The following SLC9A9 variants were observed in gnomAD, a reference collection of about 807,000 sequenced individuals.
SLC9A9 encodes the protein solute carrier family 9 member A9, also known as sodium/hydrogen exchanger 9.
In SLC9A9, 62 loss-of-function variants were observed where a neutral mutation model predicts 77.8. The ratio of observed to expected loss-of-function variants is 0.80; its 90% CI spans 0.65 to 0.98. The LOEUF is 0.98. SLC9A9 is among the 50% of genes least tolerant of loss of function. SLC9A9 has a pLI of 0.00. For synonymous variants in SLC9A9, 320 were observed against 283.5 expected (o/e 1.13, Z -1.29); for missense variants, 775 against 774.9 (o/e 1.00, Z 0.00).
chr3:143,829,828 G>C (rs1273431097), intron 2 of SLC9A9, among the ~76,000 whole-genome samples: 1 of 152,176 alleles, frequency 6.6e-6, no homozygotes, highest in Admixed American at 6.5e-5. Context: ...GGTACAATGT[G>C]AAGGCCCCAT....
At chr3:143,796,028 C>T (rs1472706139) in intron 3 of SLC9A9, among the ~76,000 whole-genome samples, 1 of 152,116 alleles carries the variant, frequency 6.6e-6, no homozygotes, top group Non-Finnish European at 1.5e-5. Context: ...AAGAAAGCCC[C>T]AGGAATCTCC....
At position 143,652,199 on chromosome 3, in the gene SLC9A9, A is replaced by C. The variant is rs532077727; in HGVS notation, c.755+56T>G. The C allele has an allele frequency of 3.5e-5, 48 of 1,358,558 alleles. No individual in the cohort carries two copies. In the African/African-American group the frequency reaches 6.3e-4, roughly 18 times the overall value. The allele number at this position is 1,358,558 out of a possible 1,614,324, so 84.2% of individuals were successfully genotyped here. On this transcript the variant is annotated intron_variant, in intron 6 of 15. Transcript: ENST00000316549. ...CTCTGTGACATAAGAGAAAAGATAC[A>C]AGTGAAAGCATATTTCACATGATTA...
rs150040717 is a variant in SLC9A9 at position 143,265,968 on chromosome 3, G to A, written c.*734C>T. The A allele has an allele frequency of 6.8e-5, 46 of 677,068 alleles. No homozygotes were observed. The highest frequency in any genetic ancestry group is 3.2e-4 in the Middle Eastern group (1 of 3,146). The allele number at this position is 677,068 out of a possible 1,614,324, so 41.9% of individuals were successfully genotyped here. A position where few individuals can be genotyped will look rare whatever the true frequency, so the allele number is the denominator to read the frequency against. ...GGAAGGCTTGTTCTTCAGGCACAAC[G>A]TGGTATGGGGAGAAGAAACCTGGTT... On this transcript the variant is annotated 3_prime_UTR_variant, in exon 16 of 16. Coordinates refer to ENST00000316549, the MANE Select transcript of SLC9A9 (RefSeq NM_173653.4).
At chr3:143,472,520 C>T (rs2035395767) in intron 11 of SLC9A9, among the ~76,000 whole-genome samples, 1 of 152,160 alleles carries the variant, frequency 6.6e-6, no homozygotes, top group African/African-American at 2.4e-5. Flanking sequence ...GTCTTCAGAG[C>T]TCAAATGAGA....
At chr3:143,387,332 A>G (rs1052763454) in intron 12 of SLC9A9, among the ~76,000 whole-genome samples, 2 of 152,200 alleles carry the variant, frequency 1.3e-5, no homozygotes, top group African/African-American at 2.4e-5. Flanking sequence ...ATAGGTGCCC[A>G]TCGTGGATAA....
At chr3:143,436,172 G>A (rs2034618464) in intron 12 of SLC9A9, among the ~76,000 whole-genome samples, 1 of 152,084 alleles carries the variant, frequency 6.6e-6, no homozygotes, top group South Asian at 2.1e-4. Flanking sequence ...CTGGTACCGG[G>A]AGAAGTGGGC....
intron 4 of SLC9A9, among the ~76,000 whole-genome samples, chr3:143,727,106 G>A (rs1334950862): frequency 1.3e-5 from 2 of 152,026 alleles, no homozygotes; most frequent in African/African-American, 2.4e-5. Flanking sequence ...TAAGTAGCAC[G>A]ACAAAAAGAG....
chr3:143,447,760 A>T (rs571723791), intron 12 of SLC9A9, among the ~76,000 whole-genome samples: 2 of 152,228 alleles, frequency 1.3e-5, no homozygotes, highest in Non-Finnish European at 2.9e-5. Flanking sequence ...GATGGCAGAA[A>T]CATACTTTGT....
At chr3:143,671,305 T>C (rs988342806) in intron 5 of SLC9A9, among the ~76,000 whole-genome samples, 14 of 152,278 alleles carry the variant, frequency 9.2e-5, no homozygotes, top group African/African-American at 3.1e-4. Flanking sequence ...TTAGCAAAAG[T>C]CAGTTTTTTT....
chr3:143,745,654 C>G (rs1935183805), intron 4 of SLC9A9, among the ~76,000 whole-genome samples: 1 of 152,146 alleles, frequency 6.6e-6, no homozygotes, highest in Non-Finnish European at 1.5e-5. Flanking sequence ...CATCAAGGTG[C>G]CAACCTTGAG....
At position 143,617,918 on chromosome 3, in the gene SLC9A9, A is replaced by C. The variant is rs1576613409; in HGVS notation, c.755+34337T>G. Reference sequence around the variant, plus strand: ...TCTGGCCTGACAAGACTGGTCTTTTAGAGAACAAGACTGATAGCAACATAA... The same window carrying C: ...TCTGGCCTGACAAGACTGGTCTTTTCGAGAACAAGACTGATAGCAACATAA... On this transcript the variant is annotated intron_variant, in intron 6 of 15. Transcript: ENST00000316549. 2.6e-5 allele frequency among the ~76,000 whole-genome samples: 4 copies of C among 152,246 alleles called. No homozygotes were observed. In the East Asian group the frequency reaches 7.7e-4, roughly 29 times the overall value.
At chr3:143,789,747 G>A (rs530339662) in intron 4 of SLC9A9, among the ~76,000 whole-genome samples, 4 of 152,208 alleles carry the variant, frequency 2.6e-5, no homozygotes, top group South Asian at 4.2e-4. Flanking sequence ...GGCAGAGGGA[G>A]AGTGTCCACA....
intron 6 of SLC9A9, among the ~76,000 whole-genome samples, chr3:143,646,426 A>G (rs1371086522): frequency 6.7e-6 from 1 of 148,746 alleles, no homozygotes; most frequent in Non-Finnish European, 1.5e-5. Context: ...GCTAGATCTT[A>G]TTATATATTA....
chr3:143,597,627 C>T (rs2037778704), intron 6 of SLC9A9, among the ~76,000 whole-genome samples: 1 of 152,232 alleles, frequency 6.6e-6, no homozygotes, highest in African/African-American at 2.4e-5. Flanking sequence ...AGGGTTCTTT[C>T]TGCTCATCCA....
chr3:143,357,941 T>G (rs113980928), intron 14 of SLC9A9, among the ~76,000 whole-genome samples: 3 of 152,018 alleles, frequency 2.0e-5, no homozygotes, highest in Non-Finnish European at 4.4e-5. Flanking sequence ...TTCACAATAT[T>G]CATACCTATG....
intron 2 of SLC9A9, among the ~76,000 whole-genome samples, chr3:143,820,742 C>T (rs1391734776): frequency 6.6e-6 from 1 of 152,184 alleles, no homozygotes; most frequent in Admixed American, 6.6e-5. Flanking sequence ...ACGAGCCATG[C>T]ATCCAAAACA....
intron 4 of SLC9A9, among the ~76,000 whole-genome samples, chr3:143,777,825 C>G (rs1048912950): frequency 6.6e-6 from 1 of 151,262 alleles, no homozygotes; most frequent in Non-Finnish European, 1.5e-5. Context: ...AGCAATTCTC[C>G]TGTCTTAGCC....
intron 12 of SLC9A9, among the ~76,000 whole-genome samples, chr3:143,404,181 T>TG (rs1250087535): frequency 7.0e-6 from 1 of 142,546 alleles, no homozygotes; most frequent in Non-Finnish European, 1.5e-5. Flanking sequence ...CTTTTTTCTT[T>TG]TTTTTTTTTG....
At chr3:143,805,731 G>A (rs985755513) in intron 2 of SLC9A9, among the ~76,000 whole-genome samples, 7 of 151,994 alleles carry the variant, frequency 4.6e-5, no homozygotes, top group Non-Finnish European at 7.4e-5. Context: ...TGTGTACCCC[G>A]CTCCTGCCTG....
Sources: allele counts gnomAD v4.1 joint callset (sites outside exome capture counted in the v4.1 genomes callset), GRCh38; gene constraint gnomAD v4.1.1; transcripts MANE v1.5; gene names NCBI Gene and HGNC (gene_info 2026-07-23, HGNC 2026-07-21).